Variants in PHACTR4 observed in about 807,000 individuals in gnomAD.
The protein encoded by PHACTR4 is phosphatase and actin regulator 4, also known as protein phosphatase 1, regulatory subunit 124.
A neutral mutation model predicts 72.7 loss-of-function variants in PHACTR4; 51 were observed. The observed-to-expected ratio is 0.70, with a 90% CI of 0.56 to 0.89. PHACTR4 has a LOEUF of 0.89. PHACTR4 is among the 40% of genes least tolerant of loss of function. PHACTR4 has a pLI of 0.00. For synonymous variants in PHACTR4, 255 were observed against 302.5 expected (o/e 0.84, Z 1.63); for missense variants, 731 against 861.8 (o/e 0.85, Z 1.90).
chr1:28,477,979 C>T (rs1160206459), intron 8 of PHACTR4, among the ~76,000 whole-genome samples: 3 of 152,060 alleles, frequency 2.0e-5, no homozygotes, highest in Non-Finnish European at 1.5e-5. Context: ...TGAGCCACCA[C>T]GCCCGGCCTA....
chr1:28,476,300 G>A lies in PHACTR4; in HGVS notation c.1606+9G>A, dbSNP rs1659914410. On this transcript the variant is annotated intron_variant, in intron 8 of 13. Transcript: ENST00000373839. ...AGATGAAAGCTATCAGAGTAAGAAA[G>A]GGAGGGAAAAGCAAAACAGAGAATT... The A allele has an allele frequency of 6.3e-7, 1 of 1,578,836 alleles. No homozygotes were observed. The highest frequency in any genetic ancestry group is 1.2e-5 in the South Asian group (1 of 84,740).
chr1:28,448,740 C>G (rs372474922), intron 2 of PHACTR4, among the ~76,000 whole-genome samples: 1 of 109,134 alleles, frequency 9.2e-6, no homozygotes, highest in Admixed American at 1.2e-4. Flanking sequence ...CCAGCCTGGG[C>G]GACAGAGCGA....
intron 2 of PHACTR4, among the ~76,000 whole-genome samples, chr1:28,428,892 G>A (rs1251278522): frequency 6.6e-6 from 1 of 152,192 alleles, no homozygotes; most frequent in Non-Finnish European, 1.5e-5. Context: ...AAACTGAAGT[G>A]CATGTAAGTA....
At position 28,499,967 on chromosome 1, in the gene PHACTR4, C is replaced by G. The variant is rs140465330; in HGVS notation, c.*3418C>G. The G allele has an allele frequency of 6.6e-6, 1 of 152,306 alleles. No individual in the cohort carries two copies. Among genetic ancestry groups the G allele is most frequent in the East Asian group, 1.9e-4 (1 of 5,190 alleles). The allele number at this position is 152,306 out of a possible 1,614,324, so 9.4% of individuals were successfully genotyped here. ...CTTGAGATGATATTTTCGAACCCTT[C>G]TTTCACTACCTTTCTTACCCTTAAT... On this transcript the variant is annotated 3_prime_UTR_variant, in exon 14 of 14. Transcript: ENST00000373839.
Position 28,456,916 on chromosome 1 carries a change from C to CAGAT in PHACTR4, c.17-2139_17-2136dup, listed in dbSNP as rs67017920. On this transcript the variant is annotated intron_variant, in intron 2 of 13. Transcript: ENST00000373839. ...ATAACTAGATAAATAGATAGAGAGACAGATAGATAGATAGATAGATAGATA... is the reference window on the plus strand; with the variant it reads ...ATAACTAGATAAATAGATAGAGAGACAGATAGATAGATAGATAGATAGATAGATA... 6.1e-3 allele frequency among the ~76,000 whole-genome samples: 915 copies of CAGAT among 150,874 alleles called. 11 individuals carry two copies. The highest frequency in any genetic ancestry group is 0.02 in the African/African-American group (816 of 41,106).
At chr1:28,449,077 A>G (rs1043051513) in intron 2 of PHACTR4, among the ~76,000 whole-genome samples, 1 of 152,104 alleles carries the variant, frequency 6.6e-6, no homozygotes, top group South Asian at 2.1e-4. Context: ...CAGGAGTCCA[A>G]GGTTGCAGTG....
At chr1:28,482,883 A>G (rs906646737) in intron 9 of PHACTR4, among the ~76,000 whole-genome samples, 1 of 151,176 alleles carries the variant, frequency 6.6e-6, no homozygotes, top group Non-Finnish European at 1.5e-5. Context: ...AGGCCGCAGT[A>G]TGCTGTAATT....
intron 2 of PHACTR4, among the ~76,000 whole-genome samples, chr1:28,421,366 C>T (rs1275920733): frequency 6.6e-6 from 1 of 151,920 alleles, no homozygotes; most frequent in African/African-American, 2.4e-5. Context: ...GGCCTCTAAT[C>T]CTCGTTGAAG....
At chr1:28,377,847 A>T (rs1569733385) in intron 1 of PHACTR4, among the ~76,000 whole-genome samples, 1 of 151,506 alleles carries the variant, frequency 6.6e-6, no homozygotes, top group African/African-American at 2.4e-5. Context: ...AAAAAAAAAA[A>T]TTGCTTACTA....
intron 2 of PHACTR4, among the ~76,000 whole-genome samples, chr1:28,409,124 CTT>C (rs564622352): frequency 3.8e-5 from 5 of 133,048 alleles, no homozygotes; most frequent in Non-Finnish European, 1.6e-5. Context: ...TTCTTTCTTT[CTT>C]TTTTTTTTTT....
intron 2 of PHACTR4, among the ~76,000 whole-genome samples, chr1:28,411,122 C>T (rs978379674): frequency 1.3e-5 from 2 of 151,342 alleles, no homozygotes; most frequent in Non-Finnish European, 2.9e-5. Flanking sequence ...TCTCGGCTCA[C>T]TGCAACCTCC....
chr1:28,386,436 C>G (rs1451218843), intron 1 of PHACTR4, among the ~76,000 whole-genome samples: 1 of 152,094 alleles, frequency 6.6e-6, no homozygotes, highest in Non-Finnish European at 1.5e-5. Context: ...GGTGTCTTAT[C>G]AGGTCCCTTT....
At chr1:28,391,599 CTTTTTT>C (rs751801605) in intron 1 of PHACTR4, among the ~76,000 whole-genome samples, 1 of 98,812 alleles carries the variant, frequency 1.0e-5, no homozygotes. Flanking sequence ...AAAATATATT[CTTTTTT>C]TTTTTTTTTT....
chr1:28,435,106 C>T (rs35638123), intron 2 of PHACTR4, among the ~76,000 whole-genome samples: 13,487 of 152,124 alleles, frequency 0.089, 1,295 homozygotes, highest in African/African-American at 0.24. Context: ...CAGACTTTCT[C>T]TCTGGCCTGC....
At chr1:28,374,969 C>G (rs865913627) in intron 1 of PHACTR4, among the ~76,000 whole-genome samples, 2 of 152,232 alleles carry the variant, frequency 1.3e-5, no homozygotes, top group East Asian at 1.9e-4. Flanking sequence ...ATACATTATT[C>G]GCTTCAAATT....
At chr1:28,489,076 T>C (rs561973396) in intron 9 of PHACTR4, 94 bp from the exon 10 acceptor site, 13 of 814,558 alleles carry the variant, frequency 1.6e-5, no homozygotes, top group African/African-American at 1.4e-4. Flanking sequence ...TTCTTACTTA[T>C]ATAGGGGCTA....
At chr1:28,401,322 G>C (rs866320201) in intron 1 of PHACTR4, among the ~76,000 whole-genome samples, 9 of 97,092 alleles carry the variant, frequency 9.3e-5, no homozygotes, top group African/African-American at 2.0e-4. Context: ...TTTTTTTTTG[G>C]GGGGGATGGA....
At chr1:28,380,770 G>A (rs1024523263) in intron 1 of PHACTR4, among the ~76,000 whole-genome samples, 24 of 152,126 alleles carry the variant, frequency 1.6e-4, no homozygotes, top group African/African-American at 5.8e-4. Flanking sequence ...TTGATTCCGT[G>A]TCTTTGCTGT....
intron 1 of PHACTR4, among the ~76,000 whole-genome samples, chr1:28,399,976 G>GT (rs1441447123): frequency 6.6e-6 from 1 of 152,172 alleles, no homozygotes. Flanking sequence ...AGAAACAATA[G>GT]TAAGCTCAGT....
Sources: gnomAD v4.1 joint callset for allele counts (sites outside exome capture counted in the v4.1 genomes callset) on GRCh38, gnomAD v4.1.1 for gene constraint, MANE v1.5 for transcripts, NCBI Gene and HGNC (gene_info 2026-07-23, HGNC 2026-07-21) for gene names.